RABGAP1L: variants seen among roughly 807,000 people sequenced by gnomAD.
RABGAP1L encodes the protein rab GTPase-activating protein 1-like.
In RABGAP1L, 63 loss-of-function variants were observed where a neutral mutation model predicts 137.7. The observed-to-expected ratio is 0.46, with a 90% CI of 0.37 to 0.56. The LOEUF is 0.56. RABGAP1L is among the 20% of genes least tolerant of loss of function. RABGAP1L has a pLI of 0.00. For synonymous variants in RABGAP1L, 431 were observed against 433.7 expected, an observed-to-expected ratio of 0.99 and a Z score of 0.08; for missense variants, 1,095 against 1,244.0, an observed-to-expected ratio of 0.88 and a Z score of 1.80.
chr1:174,560,863 A>G (rs985981124), intron 13 of RABGAP1L, among the ~76,000 whole-genome samples: 8 of 152,174 alleles, frequency 5.3e-5, no homozygotes, highest in Admixed American at 5.2e-4. Context: ...AATGGCCTCT[A>G]GCTGCATCCA....
chr1:174,552,889 T>C (rs1666646802), intron 13 of RABGAP1L, among the ~76,000 whole-genome samples: 1 of 152,216 alleles, frequency 6.6e-6, no homozygotes, highest in African/African-American at 2.4e-5. Context: ...CAGCATCTGT[T>C]ATTTTTTGAC....
At chr1:174,279,049 AAAC>A (rs937681249) in intron 10 of RABGAP1L, among the ~76,000 whole-genome samples, 6 of 152,336 alleles carry the variant, frequency 3.9e-5, no homozygotes, top group African/African-American at 1.2e-4. Context: ...ACTGCATATA[AAAC>A]AACGTTTCTG....
At chr1:174,257,404 A>G (rs192510723) in intron 7 of RABGAP1L, among the ~76,000 whole-genome samples, 40 of 152,322 alleles carry the variant, frequency 2.6e-4, no homozygotes, top group East Asian at 2.5e-3. Context: ...ATAGAAACCT[A>G]GACAAATATA....
At chr1:174,656,812 AT>A (rs1413334649) in intron 14 of RABGAP1L, among the ~76,000 whole-genome samples, 2 of 152,072 alleles carry the variant, frequency 1.3e-5, no homozygotes, top group Non-Finnish European at 2.9e-5. Context: ...ATGTCCTTAA[AT>A]TTCTGGAACC....
chr1:174,588,407 C>T (rs557712912), intron 13 of RABGAP1L, among the ~76,000 whole-genome samples: 11 of 152,116 alleles, frequency 7.2e-5, no homozygotes, highest in African/African-American at 2.2e-4. Context: ...TCAGGTGATC[C>T]GCTTGGCTCA....
chr1:174,232,610 C>T (rs968468843), intron 4 of RABGAP1L, among the ~76,000 whole-genome samples: 2 of 151,476 alleles, frequency 1.3e-5, no homozygotes, highest in South Asian at 2.1e-4. Context: ...GGTGAAACCC[C>T]GTCTCTACTA....
chr1:174,249,475 G>T (rs1018226653), intron 5 of RABGAP1L, among the ~76,000 whole-genome samples: 1 of 151,960 alleles, frequency 6.6e-6, no homozygotes, highest in South Asian at 2.1e-4. Flanking sequence ...TCAATTTCTT[G>T]TATATTTTGA....
rs1039974961 is a variant in RABGAP1L at position 174,542,732 on chromosome 1, G to T, written c.1711-94643G>T. On this transcript the variant is annotated intron_variant, in intron 13 of 25. Transcript: ENST00000681986. ...TCCTGTTTACTCTTGTGGGCATTTA[G>T]TGCTATAAATTTCCCTCTACACATT... Among the ~76,000 whole-genome samples, 8 of 152,264 alleles carry T rather than the reference G, an allele frequency of 5.3e-5. 1 individual carries two copies. In the South Asian group the frequency reaches 1.0e-3, roughly 20 times the overall value.
chr1:174,752,230 A>G, intron 17 of RABGAP1L, 83 bp from the exon 18 acceptor site: 1 of 999,712 alleles, frequency 1.0e-6, no homozygotes, highest in Admixed American at 2.7e-5. Flanking sequence ...GAATTTTATT[A>G]AATATATGTG....
At chr1:174,286,594 C>A (rs1171515473) in intron 10 of RABGAP1L, among the ~76,000 whole-genome samples, 3 of 151,832 alleles carry the variant, frequency 2.0e-5, no homozygotes, top group African/African-American at 7.3e-5. Flanking sequence ...TTTCCATATG[C>A]TAATTTGGGT....
chr1:174,221,301 T>C lies in RABGAP1L; in HGVS notation c.331+137T>C, dbSNP rs538293986. 1.0e-5 allele frequency: 7 copies of C among 678,552 alleles called. No individual in the cohort carries two copies. The South Asian group carries it at 1.8e-4, about 17-fold the overall frequency. The allele number at this position is 678,552 out of a possible 1,614,324, so 42.0% of individuals were successfully genotyped here. A position where few individuals can be genotyped will look rare whatever the true frequency, so the allele number is the denominator to read the frequency against. On this transcript the variant is annotated intron_variant, in intron 3 of 25. Transcript: ENST00000681986. ...GTTGAGAGTTTCCACTTCGGTGTTA[T>C]GTTTCTGCCTATATCTCTGCCTATA...
chr1:174,850,440 G>A (rs1648109013), intron 19 of RABGAP1L, among the ~76,000 whole-genome samples: 1 of 152,208 alleles, frequency 6.6e-6, no homozygotes, highest in African/African-American at 2.4e-5. Flanking sequence ...TTATTAGAAA[G>A]AAGTCTTGCT....
At chr1:174,566,556 C>T (rs1667601678) in intron 13 of RABGAP1L, among the ~76,000 whole-genome samples, 1 of 152,174 alleles carries the variant, frequency 6.6e-6, no homozygotes, top group African/African-American at 2.4e-5. Flanking sequence ...GTGACTGAGA[C>T]AGTATCACTT....
chr1:174,464,412 C>T (rs944086055), intron 13 of RABGAP1L, among the ~76,000 whole-genome samples: 2 of 152,128 alleles, frequency 1.3e-5, no homozygotes, highest in East Asian at 3.8e-4. Context: ...TCAAATCTGG[C>T]CTTGTACCTT....
chr1:174,793,622 T>G (rs1688021394), intron 18 of RABGAP1L, among the ~76,000 whole-genome samples: 1 of 152,178 alleles, frequency 6.6e-6, no homozygotes, highest in Non-Finnish European at 1.5e-5. Context: ...GCTTGAATAA[T>G]CCTTAAAGTT....
chr1:174,816,666 A>G (rs1375374100), intron 19 of RABGAP1L, among the ~76,000 whole-genome samples: 1 of 151,406 alleles, frequency 6.6e-6, no homozygotes, highest in Non-Finnish European at 1.5e-5. Context: ...ATAGGTGCAT[A>G]TGTAGCTTAG....
At chr1:174,981,925 C>CT (rs1671169445) in intron 23 of RABGAP1L, among the ~76,000 whole-genome samples, 2 of 152,216 alleles carry the variant, frequency 1.3e-5, no homozygotes, top group African/African-American at 2.4e-5. Context: ...TAGCACAGCA[C>CT]TTTTCAATCA....
At chr1:174,758,613 C>G (rs1684966675) in intron 18 of RABGAP1L, among the ~76,000 whole-genome samples, 1 of 152,108 alleles carries the variant, frequency 6.6e-6, no homozygotes, top group African/African-American at 2.4e-5. Flanking sequence ...CTACAAAAGA[C>G]ATTATTTCAT....
At chr1:174,614,329 C>T (rs1210360487) in intron 13 of RABGAP1L, among the ~76,000 whole-genome samples, 1 of 152,134 alleles carries the variant, frequency 6.6e-6, no homozygotes, top group African/African-American at 2.4e-5. Flanking sequence ...CTTAGTTTGG[C>T]TGGATATGAA....
Sources: gnomAD v4.1 joint callset for allele counts (sites outside exome capture counted in the v4.1 genomes callset) on GRCh38, gnomAD v4.1.1 for gene constraint, MANE v1.5 for transcripts, NCBI Gene and HGNC (gene_info 2026-07-23, HGNC 2026-07-21) for gene names.